The following SLC39A12 variants were observed in gnomAD, a reference collection of about 807,000 sequenced individuals.
SLC39A12 encodes solute carrier family 39 member 12.
In SLC39A12, 63 loss-of-function variants were observed where a neutral mutation model predicts 71.1. That is an observed-to-expected ratio of 0.89 (90% confidence interval 0.72 to 1.09). SLC39A12 has a LOEUF of 1.09. SLC39A12 is among the 50% of genes least tolerant of loss of function. SLC39A12 has a pLI of 0.00. For missense variants in SLC39A12, 892 were observed against 812.6 expected, an observed-to-expected ratio of 1.10 and a Z score of -1.19; for synonymous variants, 351 against 301.3, an observed-to-expected ratio of 1.16 and a Z score of -1.71.
intron 2 of SLC39A12, among the ~76,000 whole-genome samples, chr10:17,954,000 T>C (rs144444105): frequency 6.6e-6 from 1 of 152,310 alleles, no homozygotes; most frequent in African/African-American, 2.4e-5. Context: ...GGGTAGTTAA[T>C]GATTGGATAA....
At chr10:17,975,966 A>G (rs1589226881) in intron 4 of SLC39A12, among the ~76,000 whole-genome samples, 1 of 152,132 alleles carries the variant, frequency 6.6e-6, no homozygotes, top group Admixed American at 6.5e-5. Flanking sequence ...ATTGAGTTCA[A>G]TGCCTCAAAA....
chr10:17,973,559 A>G (rs1835028456), intron 4 of SLC39A12, among the ~76,000 whole-genome samples: 1 of 151,974 alleles, frequency 6.6e-6, no homozygotes, highest in Admixed American at 6.6e-5. Context: ...ATGTTATGCC[A>G]CTCTCTCGTG....
At chr10:17,962,293 C>G (rs2130780179) in intron 3 of SLC39A12, among the ~76,000 whole-genome samples, 1 of 152,330 alleles carries the variant, frequency 6.6e-6, no homozygotes, top group African/African-American at 2.4e-5. Context: ...AGTTATTTCA[C>G]TGAAGAAGCA....
intron 8 of SLC39A12, among the ~76,000 whole-genome samples, chr10:17,992,238 A>C (rs781681806): frequency 1.2e-4 from 18 of 152,320 alleles, no homozygotes; most frequent in Middle Eastern, 3.4e-3. Context: ...GGATAGCTAC[A>C]TGATAAAATA....
intron 12 of SLC39A12, among the ~76,000 whole-genome samples, chr10:18,028,728 CT>C (rs952225553): frequency 2.3e-4 from 35 of 151,248 alleles, no homozygotes; most frequent in African/African-American, 7.8e-4. Flanking sequence ...CTTTTCTTTT[CT>C]TTTTTTTTGA....
chr10:17,961,717 T>G lies in SLC39A12; in HGVS notation c.398T>G (p.Leu133Arg), dbSNP rs1554848405. 6.2e-7 allele frequency: 1 copy of G among 1,614,118 alleles called. No individual in the cohort carries two copies. Among genetic ancestry groups the G allele is most frequent in the Admixed American group, 1.7e-5 (1 of 60,024 alleles). The change falls in exon 3 of 13, where the codon CTC becomes CGC. Residue 133 changes from leucine to arginine, a missense_variant. Physicochemically the swap from Leu to Arg is moderately radical, Grantham distance 102. Transcript: ENST00000377369. ...IHQEEICSSK[L>R]NMSNKEYKFY... ...CAGGAAGAGATCTGTTCTTCAAAGC[T>G]CAACATGAGTAATAAAGAGTATAAA...
chr10:18,042,587 T>C, intron 12 of SLC39A12, 118 bp from the exon 13 acceptor site: 1 of 988,276 alleles, frequency 1.0e-6, no homozygotes, highest in South Asian at 2.2e-5. Context: ...TTGTAACTGT[T>C]TTGGGAATTT....
chr10:17,997,221 G>A (rs901978912), intron 10 of SLC39A12, among the ~76,000 whole-genome samples: 1 of 152,096 alleles, frequency 6.6e-6, no homozygotes, highest in African/African-American at 2.4e-5. Flanking sequence ...ATCTTTATCA[G>A]TGCAGAATAA....
At chr10:18,023,673 G>A (rs1227857811) in intron 12 of SLC39A12, among the ~76,000 whole-genome samples, 1 of 152,212 alleles carries the variant, frequency 6.6e-6, no homozygotes, top group South Asian at 2.1e-4. Flanking sequence ...TGGTTGCAGT[G>A]TGCTGGGGGT....
intron 12 of SLC39A12, among the ~76,000 whole-genome samples, chr10:18,040,596 CCT>C (rs1837195333): frequency 2.0e-5 from 3 of 151,868 alleles, no homozygotes; most frequent in African/African-American, 7.3e-5. Flanking sequence ...ATGAAGAAAC[CCT>C]GTCTCTACTA....
intron 8 of SLC39A12, 66 bp from the exon 9 acceptor site, chr10:17,993,115 G>T (rs1835596923): frequency 2.7e-6 from 3 of 1,126,436 alleles, no homozygotes; most frequent in Admixed American, 4.7e-5. Context: ...TGGAACCGTG[G>T]CATTGACAAA....
chr10:17,989,578 T>C (rs1421680918), intron 7 of SLC39A12, among the ~76,000 whole-genome samples: 2 of 149,822 alleles, frequency 1.3e-5, no homozygotes, highest in Non-Finnish European at 3.0e-5. Context: ...CTTCAGAGAT[T>C]AGCTGGGTTT....
intron 4 of SLC39A12, among the ~76,000 whole-genome samples, chr10:17,976,413 G>C (rs12260162): frequency 8.5e-5 from 13 of 152,112 alleles, no homozygotes; most frequent in African/African-American, 2.9e-4. Context: ...TTCTGTTGTA[G>C]TTGTTGTTTT....
chr10:18,003,298 T>A lies in SLC39A12; in HGVS notation c.1887T>A (p.Val629=). ...IGLSVSADPC[V]QDWIFTVTAG... ...TTTCCGTGTCAGCTGATCCATGTGTTCAAGACTGGATCTTCACAGTCACTG... is the reference window on the plus strand; with the variant it reads ...TTTCCGTGTCAGCTGATCCATGTGTACAAGACTGGATCTTCACAGTCACTG... The change falls in exon 12 of 13, where the codon GTT becomes GTA. Residue 629 remains valine (V), a synonymous_variant. Coordinates refer to ENST00000377369, the MANE Select transcript of SLC39A12 (RefSeq NM_001145195.2). The A allele has an allele frequency of 6.2e-7, 1 of 1,614,112 alleles. No homozygotes were observed. The highest frequency in any genetic ancestry group is 8.5e-7 in the Non-Finnish European group (1 of 1,179,994).
intron 4 of SLC39A12, among the ~76,000 whole-genome samples, chr10:17,968,594 C>A (rs1211090561): frequency 2.6e-5 from 4 of 152,076 alleles, no homozygotes; most frequent in Admixed American, 6.5e-5. Context: ...TTTAAACCTT[C>A]AATCTGAAGG....
At chr10:18,029,291 C>A (rs775314113) in intron 12 of SLC39A12, among the ~76,000 whole-genome samples, 1 of 152,146 alleles carries the variant, frequency 6.6e-6, no homozygotes, top group African/African-American at 2.4e-5. Context: ...GTGGATAAGT[C>A]GTAGTTTGTG....
At chr10:17,956,805 AC>A (rs1834561810) in intron 2 of SLC39A12, among the ~76,000 whole-genome samples, 1 of 152,202 alleles carries the variant, frequency 6.6e-6, no homozygotes, top group Non-Finnish European at 1.5e-5. Flanking sequence ...TGTGGAAAAC[AC>A]CCAGCTTTGT....
At chr10:17,975,234 A>T (rs1835080505) in intron 4 of SLC39A12, among the ~76,000 whole-genome samples, 1 of 151,588 alleles carries the variant, frequency 6.6e-6, no homozygotes, top group Non-Finnish European at 1.5e-5. Flanking sequence ...CAGGCCCCCC[A>T]CCCCAAGAGT....
Position 17,961,674 on chromosome 10 carries a change from C to G in SLC39A12, c.355C>G (p.Leu119Val). The G allele has an allele frequency of 6.2e-7, 1 of 1,613,988 alleles. No individual in the cohort carries two copies. The highest frequency in any genetic ancestry group is 8.5e-7 in the Non-Finnish European group (1 of 1,179,874). ...GGTCCAGAGAGTTTCTCTTCTCCTT[C>G]TCTATTACATTATTCATCAGGAAGA... is the stretch of plus-strand genomic sequence containing the variant. ...EVVQRVSLLLLYYIIHQEEIC... is the reference protein window; with the variant it reads ...EVVQRVSLLLVYYIIHQEEIC... Residue 119 changes from leucine to valine, a missense_variant, in exon 3 of 13, where the codon CTC (leucine) becomes GTC (valine). Leu to Val is a conservative substitution (Grantham distance 32, BLOSUM62 1). Transcript: ENST00000377369.
Sources: gnomAD v4.1 joint callset for allele counts (sites outside exome capture counted in the v4.1 genomes callset) on GRCh38, gnomAD v4.1.1 for gene constraint, MANE v1.5 for transcripts, NCBI Gene and HGNC (gene_info 2026-07-23, HGNC 2026-07-21) for gene names.